The following TMC3 variants were observed in gnomAD, a reference collection of about 807,000 sequenced individuals.
The protein encoded by TMC3 is transmembrane channel-like protein 3.
A neutral mutation model predicts 110.6 loss-of-function variants in TMC3; 98 were observed. That is an observed-to-expected ratio of 0.89 (90% CI 0.75 to 1.05). The LOEUF is 1.05. Among genes scored for constraint, TMC3 ranks in the 50% least tolerant of loss-of-function variants. TMC3 has a pLI of 0.00. For missense variants in TMC3, 1,319 were observed against 1,373.2 expected (o/e 0.96, Z 0.62); for synonymous variants, 489 against 513.1 (o/e 0.95, Z 0.63).
chr15:81,362,806 G>A (rs1894218323), intron 3 of TMC3, among the ~76,000 whole-genome samples: 1 of 152,064 alleles, frequency 6.6e-6, no homozygotes, highest in Non-Finnish European at 1.5e-5. Flanking sequence ...GAATCCAGAT[G>A]CCTAACAGAC....
chr15:81,345,050 G>A (rs1253127636), intron 12 of TMC3, 39 bp from the exon 13 acceptor site: 1 of 1,546,122 alleles, frequency 6.5e-7, no homozygotes, highest in South Asian at 1.2e-5. Context: ...AAGCAGGGGA[G>A]AAAGGAAAAT....
chr15:81,341,663 G>A lies in TMC3; in HGVS notation c.1716-145C>T, dbSNP rs774812834. ...GGACTGGAAAAGCCCCTGAAGTCCC[G>A]AGACCACAACCCTCCACCTTCTAAA... On this transcript the variant is annotated intron_variant, in intron 15 of 21. Coordinates refer to ENST00000359440, the MANE Select transcript of TMC3 (RefSeq NM_001080532.3). The A allele has an allele frequency of 3.4e-4, 259 of 750,850 alleles. 1 individual carries two copies. Among genetic ancestry groups the A allele is most frequent in the Middle Eastern group, 1.2e-3 (3 of 2,582 alleles). The allele number at this position is 750,850 out of a possible 1,614,324, so 46.5% of individuals were successfully genotyped here.
chr15:81,332,683 C>A lies in TMC3; in HGVS notation c.3039G>T (p.Lys1013Asn). The A allele has an allele frequency of 6.2e-7, 1 of 1,613,986 alleles. No individual in the cohort carries two copies. Among genetic ancestry groups the A allele is most frequent in the South Asian group, 1.1e-5 (1 of 91,082 alleles). The change falls in exon 22 of 22, where the codon AAG (lysine) becomes AAT (asparagine). Residue 1013 changes from lysine (K) to asparagine (N), a missense_variant. Transcript: ENST00000359440. ...GGTATTGGAAATTCCGGGATCGTGG[C>A]TTTCTGGGCACATAGGCTGGCCTCT... ...HLERPAYVPRKPRSRNFQYPQ... is the reference protein window; with the variant it reads ...HLERPAYVPRNPRSRNFQYPQ...
intron 9 of TMC3, among the ~76,000 whole-genome samples, chr15:81,354,775 G>T (rs1193500327): frequency 2.0e-5 from 3 of 152,120 alleles, no homozygotes; most frequent in African/African-American, 7.2e-5. Context: ...CACATGTTTT[G>T]GCCCTTGATT....
intron 9 of TMC3, among the ~76,000 whole-genome samples, chr15:81,354,421 G>T (rs539731042): frequency 1.3e-5 from 2 of 152,294 alleles, no homozygotes; most frequent in Non-Finnish European, 2.9e-5. Context: ...TGCCCAGTGT[G>T]AAATAGGAAA....
intron 13 of TMC3, among the ~76,000 whole-genome samples, 194 bp downstream of exon 13, chr15:81,344,572 C>G (rs1055866660): frequency 6.6e-6 from 1 of 152,220 alleles, no homozygotes; most frequent in South Asian, 2.1e-4. Context: ...TAGGACAGGA[C>G]CCAGCATGCG....
intron 2 of TMC3, among the ~76,000 whole-genome samples, chr15:81,370,173 A>G (rs1894402910): frequency 6.6e-6 from 1 of 152,182 alleles, no homozygotes; most frequent in East Asian, 1.9e-4. Flanking sequence ...AGCATGTCCT[A>G]TATCCTCTTA....
chr15:81,337,640 G>A (rs1056415660), intron 19 of TMC3: 1 of 620,032 alleles, frequency 1.6e-6, no homozygotes, highest in East Asian at 2.8e-5. Flanking sequence ...ACAGGAGCAG[G>A]CTTCCTCCTA....
intron 15 of TMC3, 199 bp downstream of exon 15, chr15:81,343,079 T>G (rs1596081894): frequency 5.9e-6 from 3 of 507,630 alleles, no homozygotes; most frequent in Non-Finnish European, 1.1e-5. Context: ...CATGGATTAT[T>G]TTCTTTTTAA....
intron 10 of TMC3, among the ~76,000 whole-genome samples, chr15:81,350,313 C>A (rs1893920148): frequency 6.6e-6 from 1 of 152,158 alleles, no homozygotes; most frequent in Non-Finnish European, 1.5e-5. Flanking sequence ...CTTCCCTGAC[C>A]TTGGATGGAA....
intron 20 of TMC3, 87 bp downstream of exon 20, chr15:81,336,522 C>G: frequency 1.5e-6 from 2 of 1,305,288 alleles, no homozygotes; most frequent in Admixed American, 3.4e-5. Flanking sequence ...GAGCCGAGAT[C>G]ACACCACTGC....
intron 15 of TMC3, chr15:81,342,677 T>C (rs1893740106): frequency 6.6e-6 from 1 of 152,212 alleles, no homozygotes; most frequent in Admixed American, 6.5e-5. Context: ...AAGTTCTTGT[T>C]TTTTGTTCGT....
intron 9 of TMC3, 46 bp downstream of exon 9, chr15:81,355,679 A>G (rs780017976): frequency 3.7e-6 from 5 of 1,336,744 alleles, no homozygotes; most frequent in Non-Finnish European, 5.3e-6. Context: ...CCAAACTAAA[A>G]ATAAAACTTA....
chr15:81,335,716 G>T (rs1156566784), intron 20 of TMC3: 1 of 152,312 alleles, frequency 6.6e-6, no homozygotes, highest in Non-Finnish European at 1.5e-5. Flanking sequence ...ATTCATGTAG[G>T]CTGTGCCATG....
At chr15:81,350,434 G>GTTTCTCTT (rs889076536) in intron 10 of TMC3, among the ~76,000 whole-genome samples, 2 of 152,160 alleles carry the variant, frequency 1.3e-5, no homozygotes, top group African/African-American at 4.8e-5. Context: ...CCTGGCTTTT[G>GTTTCTCTT]TACTTAGAGC....
intron 21 of TMC3, among the ~76,000 whole-genome samples, chr15:81,334,159 T>G (rs1893538737): frequency 6.6e-6 from 1 of 152,112 alleles, no homozygotes; most frequent in South Asian, 2.1e-4. Context: ...CTTTGCTAAC[T>G]TAGTCATTAT....
At position 81,362,285 on chromosome 15, in the gene TMC3, G is replaced by A. The variant is rs1335618164; in HGVS notation, c.329C>T (p.Ala110Val). ...GACCACAAAGTTACAGGCGAGACGA[G>A]CAAATTTCCGCCAGAGCTAGACAAG... ...AAGAELWRKFARLACNFVVIF... is the reference protein window; with the variant it reads ...AAGAELWRKFVRLACNFVVIF... The change falls in exon 4 of 22, where the codon GCT (alanine) becomes GTT (valine). Residue 110 changes from alanine to valine, a missense_variant. Transcript: ENST00000359440. 1 of 1,611,932 alleles carries A rather than the reference G, an allele frequency of 6.2e-7. No homozygotes were observed. Among genetic ancestry groups the A allele is most frequent in the Non-Finnish European group, 8.5e-7 (1 of 1,178,940 alleles).
intron 3 of TMC3, among the ~76,000 whole-genome samples, chr15:81,364,157 TA>T (rs55817929): frequency 0.45 from 67,560 of 151,590 alleles, 17,705 homozygotes; most frequent in African/African-American, 0.71. Flanking sequence ...TAGGTGGGGG[TA>T]AAAAAATCTC....
intron 14 of TMC3, 34 bp downstream of exon 14, chr15:81,343,883 T>A (rs756570343): frequency 6.2e-7 from 1 of 1,603,268 alleles, no homozygotes; most frequent in South Asian, 1.1e-5. Context: ...TTTGGCCATA[T>A]AAACTTTCCC....
Sources: allele counts gnomAD v4.1 joint callset (sites outside exome capture counted in the v4.1 genomes callset), GRCh38; gene constraint gnomAD v4.1.1; transcripts MANE v1.5; gene names NCBI Gene and HGNC (gene_info 2026-07-23, HGNC 2026-07-21).